The following KMT2E variants were observed in gnomAD, a reference collection of about 807,000 sequenced individuals.
KMT2E encodes histone reader KMT2E.
A neutral mutation model predicts 184.6 loss-of-function variants in KMT2E; 30 were observed. The observed-to-expected ratio is 0.16, with a 90% CI of 0.12 to 0.22. The LOEUF is 0.22. Ranked by LOEUF, KMT2E falls within the 10% of genes least tolerant of loss-of-function variation. KMT2E has a pLI of 1.00. For synonymous variants in KMT2E, 815 were observed against 776.5 expected, an observed-to-expected ratio of 1.05 and a Z score of -0.82; for missense variants, 2,023 against 2,237.4, an observed-to-expected ratio of 0.90 and a Z score of 1.93.
At position 105,087,466 on chromosome 7, in the gene KMT2E, C is replaced by T. The variant is rs535784312; in HGVS notation, c.1359-2543C>T. Among the ~76,000 whole-genome samples the T allele has an allele frequency of 5.2e-4, 78 of 150,442 alleles. 1 individual carries two copies. The highest frequency in any genetic ancestry group is 1.9e-3 in the African/African-American group (76 of 41,028). The stretch of plus-strand genomic sequence containing the variant: ...TGAGATGGAGTCTTGCTCTGTCACC[C>T]AGGCTGGAGTGCAGTGGCGCGATCT... On this transcript the variant is annotated intron_variant, in intron 13 of 26. Coordinates refer to ENST00000311117, the MANE Select transcript of KMT2E (RefSeq NM_182931.3).
intron 13 of KMT2E, among the ~76,000 whole-genome samples, chr7:105,083,930 T>G (rs1384016852): frequency 2.0e-5 from 3 of 152,216 alleles, no homozygotes; most frequent in African/African-American, 4.8e-5. Context: ...GTCTTTCATA[T>G]TCCTTTTGTT....
chr7:105,033,482 T>C (rs900311380), intron 1 of KMT2E, among the ~76,000 whole-genome samples: 4 of 152,092 alleles, frequency 2.6e-5, no homozygotes, highest in Admixed American at 2.6e-4. Context: ...TTGTTTGTTT[T>C]GCTTTTTTTT....
At chr7:105,109,648 T>C (rs1272198701) in intron 23 of KMT2E, among the ~76,000 whole-genome samples, 2 of 152,162 alleles carry the variant, frequency 1.3e-5, no homozygotes, top group African/African-American at 4.8e-5. Flanking sequence ...CCTGAAAGCA[T>C]GCAATCCTGA....
intron 6 of KMT2E, among the ~76,000 whole-genome samples, chr7:105,067,971 CA>C (rs1360545662): frequency 2.0e-5 from 3 of 151,520 alleles, no homozygotes; most frequent in Admixed American, 6.6e-5. Context: ...GAGCCTGTTT[CA>C]AAAAAACAAA....
chr7:105,081,108 G>A (rs1197011604), intron 12 of KMT2E, among the ~76,000 whole-genome samples: 1 of 147,744 alleles, frequency 6.8e-6, no homozygotes, highest in Non-Finnish European at 1.5e-5. Context: ...GAGGCTGGGT[G>A]CGGTGGCTCA....
In KMT2E at chr7:105,097,143, C is replaced by G. The variant is rs920464799; in HGVS notation, c.1723-4282C>G. 5.3e-5 allele frequency among the ~76,000 whole-genome samples: 8 copies of G among 152,292 alleles called. No homozygotes were observed. The East Asian group carries it at 9.6e-4, about 18-fold the overall frequency. On this transcript the variant is annotated intron_variant, in intron 15 of 26. Coordinates refer to ENST00000311117, the MANE Select transcript of KMT2E (RefSeq NM_182931.3). ...AATGTCTCTAGGAAAACTTGACTGACTTCATTTAGAAAATCACTTTAGAAT... is the reference window on the plus strand; with the variant it reads ...AATGTCTCTAGGAAAACTTGACTGAGTTCATTTAGAAAATCACTTTAGAAT...
Position 105,107,852 on chromosome 7 carries a change from G to T in KMT2E, c.3395G>T (p.Gly1132Val). The change falls in exon 22 of 27, where the codon GGT becomes GTT. Residue 1132 changes from glycine to valine, a missense_variant. Gly to Val is a moderately radical substitution (Grantham distance 109). Coordinates refer to ENST00000311117, the MANE Select transcript of KMT2E (RefSeq NM_182931.3). ...FCTSEDGLVS[G>V]FGRTVNDNLI... The stretch of plus-strand genomic sequence containing the variant: ...ACTTCCGAAGATGGGCTTGTATCTG[G>T]TTTCGGACGGACTGTTAATGACAAT... 2.5e-6 allele frequency: 4 copies of T among 1,614,054 alleles called. No individual in the cohort carries two copies. Among genetic ancestry groups the T allele is most frequent in the Non-Finnish European group, 2.5e-6 (3 of 1,180,010 alleles).
chr7:105,017,540 A>G (rs575791732), intron 1 of KMT2E, among the ~76,000 whole-genome samples: 12 of 149,094 alleles, frequency 8.0e-5, no homozygotes, highest in African/African-American at 2.7e-4. Flanking sequence ...CGAGGCTATA[A>G]TTGTTTGTTT....
intron 1 of KMT2E, among the ~76,000 whole-genome samples, chr7:105,027,074 CTTTT>C (rs34930855): frequency 1.2e-5 from 1 of 81,934 alleles, no homozygotes; most frequent in Non-Finnish European, 2.3e-5. Context: ...GCCCCGCCCT[CTTTT>C]TTTTTTTTTT....
intron 3 of KMT2E, among the ~76,000 whole-genome samples, chr7:105,054,604 T>C (rs1010656301): frequency 1.2e-4 from 19 of 152,124 alleles, no homozygotes; most frequent in Non-Finnish European, 2.1e-4. Flanking sequence ...AACCTCTGCT[T>C]CCTGGGTTCA....
chr7:105,040,930 C>A lies in KMT2E; in HGVS notation c.-23C>A. On this transcript the variant is annotated 5_prime_UTR_variant, in exon 3 of 27. Transcript: ENST00000311117. ...CCAATGCATAGGACTCCATAGTAAT[C>A]GAATTTACCAGAGGCGAACGTCATG... is the stretch of plus-strand genomic sequence containing the variant. The A allele has an allele frequency of 2.5e-6, 4 of 1,597,426 alleles. No individual in the cohort carries two copies. The highest frequency in any genetic ancestry group is 3.4e-6 in the Non-Finnish European group (4 of 1,168,560).
At chr7:105,082,343 A>C (rs1386216068) in intron 13 of KMT2E, among the ~76,000 whole-genome samples, 2 of 152,188 alleles carry the variant, frequency 1.3e-5, no homozygotes, top group Non-Finnish European at 2.9e-5. Context: ...ACAGTCCACA[A>C]TCTGCGTATA....
At chr7:105,063,823 T>C in intron 5 of KMT2E, 1 of 500,830 alleles carries the variant, frequency 2.0e-6, no homozygotes, top group Non-Finnish European at 3.6e-6. Context: ...GGATCACATT[T>C]TTCTGTTCAC....
At chr7:105,063,789 CAGTT>C (rs1562901030) in intron 5 of KMT2E, 3 of 539,344 alleles carry the variant, frequency 5.6e-6, no homozygotes, top group Admixed American at 7.0e-5. Context: ...AATAGACAGT[CAGTT>C]CTGAACTTTT....
At chr7:105,109,494 C>A (rs1327156529) in intron 23 of KMT2E, among the ~76,000 whole-genome samples, 4 of 152,230 alleles carry the variant, frequency 2.6e-5, no homozygotes, top group African/African-American at 4.8e-5. Flanking sequence ...ATTCTGCAGA[C>A]TTCCTTTATA....
intron 15 of KMT2E, among the ~76,000 whole-genome samples, chr7:105,100,424 C>T (rs1326797741): frequency 1.3e-5 from 2 of 152,076 alleles, no homozygotes; most frequent in Admixed American, 6.6e-5. Context: ...TTCCTCACAT[C>T]GATGTGTAAT....
intron 1 of KMT2E, among the ~76,000 whole-genome samples, chr7:105,032,093 A>G (rs1245667801): frequency 6.6e-6 from 1 of 150,634 alleles, no homozygotes; most frequent in East Asian, 1.9e-4. Context: ...AAAAAAAAAA[A>G]AAAGGCTAAA....
chr7:105,056,435 A>G (rs1030719400), intron 3 of KMT2E, among the ~76,000 whole-genome samples: 10 of 152,228 alleles, frequency 6.6e-5, no homozygotes, highest in African/African-American at 2.2e-4. Context: ...AATAAACACT[A>G]TTCCTGAAGT....
rs775235409 is a variant in KMT2E, at chr7:105,040,995, T to C, written c.43T>C (p.Ser15Pro). The change falls in exon 3 of 27, where the codon TCA becomes CCA. Residue 15 changes from serine to proline, a missense_variant. By Grantham distance (74) the Ser-to-Pro change is moderately conservative. Coordinates refer to ENST00000311117, the MANE Select transcript of KMT2E (RefSeq NM_182931.3). ...ATTGGGGGTTGATACAGCAGAGACG[T>C]CATACTTGGAAATGGCTGCAGGTTC... is the stretch of plus-strand genomic sequence containing the variant. ...IPLGVDTAET[S>P]YLEMAAGSEP... 1.9e-6 allele frequency: 3 copies of C among 1,603,908 alleles called. No homozygotes were observed. Among genetic ancestry groups the C allele is most frequent in the Non-Finnish European group, 2.5e-6 (3 of 1,176,984 alleles).
Sources: allele counts gnomAD v4.1 joint callset (sites outside exome capture counted in the v4.1 genomes callset), GRCh38; gene constraint gnomAD v4.1.1; transcripts MANE v1.5; gene names NCBI Gene and HGNC (gene_info 2026-07-23, HGNC 2026-07-21).